ZNF385D: variants seen among roughly 807,000 people sequenced by gnomAD.
ZNF385D encodes the protein zinc finger protein 385D, also known as zinc finger protein 659.
A neutral mutation model predicts 35.8 loss-of-function variants in ZNF385D; 15 were observed. The ratio of observed to expected loss-of-function variants is 0.42; its 90% CI spans 0.28 to 0.64. The LOEUF (loss-of-function observed/expected upper bound fraction) is 0.64, where lower values mean the gene tolerates loss of function less well. Ranked by LOEUF, ZNF385D falls within the 30% of genes least tolerant of loss-of-function variation. The pLI is 0.23. For synonymous variants in ZNF385D, 212 were observed against 186.8 expected (o/e 1.13, Z -1.10); for missense variants, 474 against 494.6 (o/e 0.96, Z 0.39).
At chr3:22,235,548 T>C (rs1699131804) in intron 2 of ZNF385D, among the ~76,000 whole-genome samples, 1 of 152,124 alleles carries the variant, frequency 6.6e-6, no homozygotes, top group Non-Finnish European at 1.5e-5. Flanking sequence ...ACTCTTATGC[T>C]AAACAGTGTT....
In ZNF385D at chr3:22,344,586, G is replaced by GT. The variant is rs540270855; in HGVS notation, c.106+27863dup. On this transcript the variant is annotated intron_variant, in intron 2 of 5. Coordinates refer to the ZNF385D transcript ENST00000494108. The stretch of plus-strand genomic sequence containing the variant: ...GGGGTTTTCTTTGTTTTTTTGTTTT[G>GT]TTTTTTTGTATTTTTTGTAGAGAAG... 2.1e-3 allele frequency among the ~76,000 whole-genome samples: 311 copies of GT among 151,354 alleles called. 5 individuals carry two copies. The South Asian group carries it at 0.026, about 13-fold the overall frequency.
chr3:22,072,433 C>T (rs1700272057), intron 3 of ZNF385D, among the ~76,000 whole-genome samples: 1 of 152,040 alleles, frequency 6.6e-6, no homozygotes, highest in South Asian at 2.1e-4. Context: ...GAAGCACTCT[C>T]TAAACAATCT....
intron 3 of ZNF385D, among the ~76,000 whole-genome samples, chr3:21,974,565 G>A (rs1240319650): frequency 6.6e-6 from 1 of 151,938 alleles, no homozygotes; most frequent in East Asian, 1.9e-4. Context: ...AGCAAAAATG[G>A]ACAAATGGGT....
chr3:22,004,298 A>G (rs2125421128), intron 3 of ZNF385D, among the ~76,000 whole-genome samples: 1 of 152,320 alleles, frequency 6.6e-6, no homozygotes, highest in African/African-American at 2.4e-5. Context: ...AAATTTAAAT[A>G]CTTAAATATA....
At chr3:21,788,968 T>C (rs554704239) in intron 3 of ZNF385D, among the ~76,000 whole-genome samples, 4 of 152,088 alleles carry the variant, frequency 2.6e-5, no homozygotes, top group Non-Finnish European at 5.9e-5. Context: ...AAAAAAAGAA[T>C]GGAGCAGATA....
chr3:22,335,380 T>C (rs1225732361), intron 2 of ZNF385D, among the ~76,000 whole-genome samples: 1 of 152,202 alleles, frequency 6.6e-6, no homozygotes, highest in Non-Finnish European at 1.5e-5. Context: ...GAGTGACTGT[T>C]GCTTTTTTAT....
At chr3:22,294,676 G>A (rs1702476186) in intron 2 of ZNF385D, among the ~76,000 whole-genome samples, 1 of 152,004 alleles carries the variant, frequency 6.6e-6, no homozygotes, top group Non-Finnish European at 1.5e-5. Context: ...GTTGATGAGT[G>A]TGCTACTAAA....
At chr3:22,161,641 G>GA (rs1279764905) in intron 3 of ZNF385D, among the ~76,000 whole-genome samples, 1 of 151,988 alleles carries the variant, frequency 6.6e-6, no homozygotes. Flanking sequence ...TATGCTAACA[G>GA]AAAAAGATAC....
chr3:21,890,413 G>C (rs1203052047), intron 3 of ZNF385D, among the ~76,000 whole-genome samples: 1 of 152,250 alleles, frequency 6.6e-6, no homozygotes, highest in Admixed American at 6.5e-5. Context: ...GAGGTCAGGA[G>C]TTTGAGACCA....
intron 3 of ZNF385D, among the ~76,000 whole-genome samples, chr3:22,157,901 C>A (rs1478474466): frequency 6.6e-6 from 1 of 152,132 alleles, no homozygotes; most frequent in Non-Finnish European, 1.5e-5. Flanking sequence ...TACCTGCACA[C>A]AAAGTGCCAA....
intron 3 of ZNF385D, among the ~76,000 whole-genome samples, chr3:21,984,042 T>C (rs1274219815): frequency 3.6e-5 from 5 of 137,240 alleles, no homozygotes; most frequent in Non-Finnish European, 7.6e-5. Flanking sequence ...TTTATTTGAG[T>C]TCATTGTAGA....
At chr3:22,066,748 T>C (rs187394264) in intron 3 of ZNF385D, among the ~76,000 whole-genome samples, 1 of 152,278 alleles carries the variant, frequency 6.6e-6, no homozygotes, top group Non-Finnish European at 1.5e-5. Flanking sequence ...GATATTCACA[T>C]TTACTGGATG....
intron 2 of ZNF385D, among the ~76,000 whole-genome samples, chr3:21,593,556 T>C (rs1052919840): frequency 1.3e-5 from 2 of 152,120 alleles, no homozygotes; most frequent in African/African-American, 2.4e-5. Flanking sequence ...CTCTTGCCTT[T>C]AGTATTAGTA....
At chr3:22,012,836 A>C (rs1415060161) in intron 3 of ZNF385D, among the ~76,000 whole-genome samples, 1 of 152,168 alleles carries the variant, frequency 6.6e-6, no homozygotes, top group African/African-American at 2.4e-5. Flanking sequence ...AGTACTGGCA[A>C]TAGATTACAT....
At chr3:21,602,950 A>G (rs370651103) in intron 2 of ZNF385D, among the ~76,000 whole-genome samples, 17 of 152,278 alleles carry the variant, frequency 1.1e-4, no homozygotes, top group Admixed American at 6.5e-4. Context: ...CCAGATAAAA[A>G]GATCTGTTTA....
intron 3 of ZNF385D, among the ~76,000 whole-genome samples, chr3:21,791,734 C>G (rs573725641): frequency 1.6e-4 from 24 of 152,134 alleles, no homozygotes; most frequent in African/African-American, 5.3e-4. Flanking sequence ...TGGATCTAAT[C>G]GTTTTTTTTG....
intron 3 of ZNF385D, among the ~76,000 whole-genome samples, chr3:21,989,536 C>G (rs1695028288): frequency 6.6e-6 from 1 of 152,098 alleles, no homozygotes; most frequent in African/African-American, 2.4e-5. Flanking sequence ...CAGTTTTGGA[C>G]TTGGAACAAA....
At chr3:22,294,795 G>A (rs1219659538) in intron 2 of ZNF385D, among the ~76,000 whole-genome samples, 1 of 152,074 alleles carries the variant, frequency 6.6e-6, no homozygotes, top group Non-Finnish European at 1.5e-5. Flanking sequence ...ATGCTTAGTG[G>A]AAATTCAATA....
At chr3:21,692,894 CATT>C (rs1476504013) in intron 1 of ZNF385D, among the ~76,000 whole-genome samples, 1 of 152,192 alleles carries the variant, frequency 6.6e-6, no homozygotes, top group Non-Finnish European at 1.5e-5. Flanking sequence ...ATTTTATTAT[CATT>C]ATCCAGACAT....
Sources: allele counts gnomAD v4.1 joint callset (sites outside exome capture counted in the v4.1 genomes callset), GRCh38; gene constraint gnomAD v4.1.1; transcripts MANE v1.5; gene names NCBI Gene and HGNC (gene_info 2026-07-23, HGNC 2026-07-21).